The following PTPRS variants were observed in gnomAD, a reference collection of about 807,000 sequenced individuals.
The protein encoded by PTPRS is protein tyrosine phosphatase receptor type S, also known as receptor-type tyrosine-protein phosphatase S.
PTPRS carries 63 observed loss-of-function variants against 215.3 expected under a neutral mutation model. The observed-to-expected ratio is 0.29, with a 90% CI of 0.24 to 0.36. The LOEUF is 0.36. Among genes scored for constraint, PTPRS ranks in the 10% least tolerant of loss-of-function variants. PTPRS has a pLI of 1.00. For synonymous variants in PTPRS, 1,404 were observed against 1,191.4 expected (o/e 1.18, Z -3.68); for missense variants, 2,258 against 2,825.8 (o/e 0.80, Z 4.56).
chr19:5,290,668 C>T (rs1460495336), intron 1 of PTPRS, among the ~76,000 whole-genome samples: 2 of 152,086 alleles, frequency 1.3e-5, no homozygotes, highest in Admixed American at 6.5e-5. Context: ...TGTCCTGGGG[C>T]GGGAGTCTGG....
chr19:5,254,020 C>G (rs1292857871), intron 9 of PTPRS, among the ~76,000 whole-genome samples: 1 of 152,160 alleles, frequency 6.6e-6, no homozygotes, highest in East Asian at 1.9e-4. Flanking sequence ...AAACTGGAAT[C>G]CAGGTCTGCC....
intron 1 of PTPRS, among the ~76,000 whole-genome samples, chr19:5,324,670 G>A (rs1031881550): frequency 8.5e-5 from 13 of 152,220 alleles, no homozygotes; most frequent in Non-Finnish European, 2.9e-5. Context: ...CTTGCTGTGT[G>A]ACCCTGCACA....
chr19:5,213,483 CTTTA>C (rs778398339), intron 30 of PTPRS, among the ~76,000 whole-genome samples: 3 of 152,224 alleles, frequency 2.0e-5, no homozygotes, highest in Admixed American at 6.5e-5. Flanking sequence ...TTCTCCTCCA[CTTTA>C]TTTTTCTCCT....
At chr19:5,270,130 G>C (rs976777391) in intron 4 of PTPRS, among the ~76,000 whole-genome samples, 1 of 152,164 alleles carries the variant, frequency 6.6e-6, no homozygotes. Flanking sequence ...AGGAAGAGCA[G>C]GGCGGGCCAC....
chr19:5,258,298 C>A, intron 7 of PTPRS, 171 bp from the exon 8 acceptor site: 3 of 607,434 alleles, frequency 4.9e-6, no homozygotes, highest in South Asian at 2.0e-5. Context: ...CCTTGTATAA[C>A]CTCCACCCCC....
intron 20 of PTPRS, 80 bp from the exon 21 acceptor site, chr19:5,220,433 G>T: frequency 1.7e-6 from 2 of 1,185,290 alleles, no homozygotes; most frequent in Non-Finnish European, 2.5e-6. Context: ...AACGGGGGAA[G>T]CCGTTTCTCT....
At chr19:5,315,990 C>T (rs895523651) in intron 1 of PTPRS, among the ~76,000 whole-genome samples, 2 of 151,822 alleles carry the variant, frequency 1.3e-5, no homozygotes, top group Non-Finnish European at 2.9e-5. Context: ...CTATCTTATC[C>T]TGCCTAGTCT....
chr19:5,294,879 G>A lies in PTPRS; in HGVS notation c.-94-8645C>T, dbSNP rs1002601414. On this transcript the variant is annotated intron_variant, in intron 1 of 37. Transcript: ENST00000262963. This position sits in a 1 kb window ranked among gnomAD's most constrained non-coding sequence, Gnocchi z 5.1. ...CAGGAGGTGCTAAACACAGGATGCC[G>A]TGACGTCCCCCGTCCCACGCAGCCC... Among the ~76,000 whole-genome samples the A allele has an allele frequency of 3.3e-5, 5 of 152,198 alleles. No homozygotes were observed. Among genetic ancestry groups the A allele is most frequent in the Admixed American group, 6.5e-5 (1 of 15,280 alleles).
chr19:5,243,808 A>G, intron 11 of PTPRS, 93 bp downstream of exon 11: 1 of 1,150,950 alleles, frequency 8.7e-7, no homozygotes, highest in Non-Finnish European at 1.2e-6. Context: ...AGCACCGTGC[A>G]TAACCCACAA....
chr19:5,324,873 T>C (rs1333842452), intron 1 of PTPRS, among the ~76,000 whole-genome samples: 2 of 152,012 alleles, frequency 1.3e-5, no homozygotes, highest in African/African-American at 4.8e-5. Context: ...AAACTTCGAG[T>C]CTGGGGTCTC....
chr19:5,268,366 G>A (rs140419443), intron 4 of PTPRS, among the ~76,000 whole-genome samples: 3 of 152,094 alleles, frequency 2.0e-5, no homozygotes, highest in Non-Finnish European at 2.9e-5. Context: ...GCTTCCTGGC[G>A]TAGACAATGT....
Position 5,222,835 on chromosome 19 carries a change from G to A in PTPRS, c.2957C>T (p.Ala986Val), listed in dbSNP as rs368886554. Residue 986 changes from alanine (A) to valine (V), a missense_variant, in exon 18 of 38, where the codon GCG becomes GTG. Ala to Val is a moderately conservative substitution (Grantham distance 64, BLOSUM62 0). This residue lies in a region of PTPRS where 361 missense variants were observed against 332.6 expected (regional missense o/e 1.09). Transcript: ENST00000262963. ...GPARETELPAAAEPGAENALT... is the reference protein window; with the variant it reads ...GPARETELPAVAEPGAENALT... ...CGCGTTCTCCGCGCCCGGCTCAGCC[G>A]CTGCCGGCAGCTCAGTCTCTCGGGC... 140 of 1,593,930 alleles carry A rather than the reference G, an allele frequency of 8.8e-5. 1 individual carries two copies. The highest frequency in any genetic ancestry group is 5.4e-4 in the South Asian group (49 of 90,512).
At chr19:5,279,532 C>A (rs563476730) in intron 2 of PTPRS, among the ~76,000 whole-genome samples, 1 of 151,802 alleles carries the variant, frequency 6.6e-6, no homozygotes, top group East Asian at 1.9e-4. Flanking sequence ...CTACCACATG[C>A]GGCTAATTTT....
intron 33 of PTPRS, among the ~76,000 whole-genome samples, chr19:5,211,065 C>T (rs2040831049): frequency 6.6e-6 from 1 of 152,226 alleles, no homozygotes; most frequent in Non-Finnish European, 1.5e-5. Flanking sequence ...TGATTTCTTC[C>T]CTCCATCTCC....
chr19:5,258,229 G>A (rs2045725109), intron 7 of PTPRS, 102 bp from the exon 8 acceptor site: 2 of 997,442 alleles, frequency 2.0e-6, no homozygotes, highest in African/African-American at 1.6e-5. Context: ...CTCCTGTGCT[G>A]GCTGGGCCAG....
intron 1 of PTPRS, among the ~76,000 whole-genome samples, chr19:5,291,063 G>C (rs911648554): frequency 2.0e-5 from 3 of 152,034 alleles, no homozygotes; most frequent in Non-Finnish European, 4.4e-5. Flanking sequence ...GGGCTGGGTG[G>C]GGCTGGCCCT....
intron 11 of PTPRS, among the ~76,000 whole-genome samples, chr19:5,243,569 T>A (rs1328650171): frequency 6.7e-6 from 1 of 149,036 alleles, no homozygotes; most frequent in African/African-American, 2.5e-5. Context: ...AACCTCCACC[T>A]CCTGGGTTCA....
rs556434270 is a variant in PTPRS, at chr19:5,223,230, G to C, written c.2562C>G (p.Pro854=). 6.7e-7 allele frequency: 1 copy of C among 1,493,930 alleles called. No individual in the cohort carries two copies. Among genetic ancestry groups the C allele is most frequent in the East Asian group, 2.5e-5 (1 of 40,374 alleles). 92.5% of individuals were successfully genotyped at this position (1,493,930 alleles called of 1,614,324 possible). ...PEGSLLARWE[P]PAGTAEDQVL... is the part of the protein sequence containing the mutation. ...CCTGGTCCTCCGCGGTGCCAGCCGG[G>C]GGCTCCCAGCGTGCCAGCAGGCTGC... Residue 854 remains proline, a synonymous_variant, in exon 18 of 38, where the codon CCC becomes CCG. Coordinates refer to ENST00000262963, the MANE Select transcript of PTPRS (RefSeq NM_002850.4).
At chr19:5,316,019 C>T (rs976415541) in intron 1 of PTPRS, among the ~76,000 whole-genome samples, 2 of 151,014 alleles carry the variant, frequency 1.3e-5, no homozygotes, top group Admixed American at 6.6e-5. Flanking sequence ...TGGCCTCAAG[C>T]GATCCCTCCC....
Sources: gnomAD v4.1 joint callset for allele counts (sites outside exome capture counted in the v4.1 genomes callset) on GRCh38, gnomAD v4.1.1 for gene constraint, gnomAD v4.1.1 regional missense constraint, Gnocchi (gnomAD v3.1) non-coding constraint, MANE v1.5 for transcripts, NCBI Gene and HGNC (gene_info 2026-07-23, HGNC 2026-07-21) for gene names.